The following PLCH2 variants were observed in gnomAD, a reference collection of about 807,000 sequenced individuals.
PLCH2 encodes the protein phospholipase C eta 2, also known as 1-phosphatidylinositol 4,5-bisphosphate phosphodiesterase eta-2.
PLCH2 carries 98 observed loss-of-function variants against 134.7 expected under a neutral mutation model. The ratio of observed to expected loss-of-function variants is 0.73; its 90% CI spans 0.62 to 0.86. The LOEUF (loss-of-function observed/expected upper bound fraction) is 0.86, where lower values mean the gene tolerates loss of function less well. Among genes scored for constraint, PLCH2 ranks in the 40% least tolerant of loss-of-function variants. PLCH2 has a pLI of 0.00. For synonymous variants in PLCH2, 974 were observed against 827.5 expected (o/e 1.18, Z -3.04); for missense variants, 1,994 against 1,986.6 (o/e 1.00, Z -0.07).
intron 2 of PLCH2, among the ~76,000 whole-genome samples, chr1:2,442,913 T>C (rs1639754885): frequency 6.6e-6 from 1 of 152,220 alleles, no homozygotes; most frequent in Non-Finnish European, 1.5e-5. Flanking sequence ...GCCTCCTCCT[T>C]CATGGCTGCC....
chr1:2,429,507 A>G (rs1638964534), intron 1 of PLCH2, among the ~76,000 whole-genome samples: 1 of 152,156 alleles, frequency 6.6e-6, no homozygotes, highest in Non-Finnish European at 1.5e-5. Context: ...GGTTCTGGGC[A>G]GGGAGGCTGA....
upstream of PLCH2, among the ~76,000 whole-genome samples, chr1:2,467,103 G>A (rs1641091624): frequency 6.6e-6 from 1 of 152,132 alleles, no homozygotes; most frequent in Admixed American, 6.5e-5. Context: ...GGTCCCTGTG[G>A]TGGAGGGGCA....
Position 2,480,228 on chromosome 1 carries a change from C to T in PLCH2, c.561C>T (p.Gly187=). ...TFDEADKNGD[G]SLSIGEVLQL... is the part of the protein sequence containing the mutation. ...ACGAGGCCGACAAGAACGGGGATGG[C>T]AGCCTGAGCATTGGCGAGGTCCTGC... Residue 187 remains glycine (G), a synonymous_variant, in exon 4 of 22, where the codon GGC becomes GGT. Transcript: ENST00000378486. The T allele has an allele frequency of 6.2e-7, 1 of 1,612,842 alleles. No individual in the cohort carries two copies. Among genetic ancestry groups the T allele is most frequent in the South Asian group, 1.1e-5 (1 of 91,078 alleles).
intron 19 of PLCH2, 56 bp downstream of exon 19, chr1:2,499,286 C>T: frequency 6.3e-7 from 1 of 1,588,430 alleles, no homozygotes. Context: ...CAGGGCAGGG[C>T]AGGTACTCTT....
In PLCH2 at chr1:2,486,971, A is replaced by G; in HGVS notation, c.881A>G (p.Asn294Ser). The G allele has an allele frequency of 6.2e-7, 1 of 1,606,056 alleles. No individual in the cohort carries two copies. Among genetic ancestry groups the G allele is most frequent in the Non-Finnish European group, 8.5e-7 (1 of 1,176,522 alleles). The stretch of plus-strand genomic sequence containing the variant: ...GAGCAGTTTGAGCCATGCCCAGAAA[A>G]CAAGAGTAAGGGGCTGCTGGGCATT... ...IIEQFEPCPE[N>S]KSKGLLGIDG... is the part of the protein sequence containing the mutation. The change falls in exon 6 of 22, where the codon AAC (asparagine) becomes AGC (serine). Residue 294 changes from asparagine (N) to serine (S), a missense_variant. By Grantham distance (46) the Asn-to-Ser change is conservative. Transcript: ENST00000378486.
At position 2,479,996 on chromosome 1, in the gene PLCH2, C is replaced by G. The variant is rs41315666; in HGVS notation, c.515+19C>G. 1 of 1,598,704 alleles carries G rather than the reference C, an allele frequency of 6.3e-7. No individual in the cohort carries two copies. The highest frequency in any genetic ancestry group is 8.6e-7 in the Non-Finnish European group (1 of 1,169,188). On this transcript the variant is annotated intron_variant, in intron 3 of 21. Transcript: ENST00000378486. ...GGGACCAATATCCTTGGGCACCTAT[C>G]GGGCAATGCAGACCCAGGGACCGGC...
At chr1:2,496,291 A>G (rs375252800) in intron 13 of PLCH2, among the ~76,000 whole-genome samples, 1 of 152,130 alleles carries the variant, frequency 6.6e-6, no homozygotes, top group African/African-American at 2.4e-5. Context: ...GGCCAGACCC[A>G]GGCCCCGAGC....
chr1:2,429,815 C>T (rs1340129222), intron 1 of PLCH2, among the ~76,000 whole-genome samples: 1 of 152,156 alleles, frequency 6.6e-6, no homozygotes, highest in Non-Finnish European at 1.5e-5. Context: ...CCGTGGGGGC[C>T]CCTTGTGCTG....
At chr1:2,473,730 G>A (rs936575073), upstream of PLCH2, among the ~76,000 whole-genome samples, 8 of 152,244 alleles carry the variant, frequency 5.3e-5, no homozygotes, top group African/African-American at 1.7e-4. Context: ...CCGGGGTCAG[G>A]CAGTGCTCTG....
chr1:2,479,770 G>A lies in PLCH2; in HGVS notation c.308G>A (p.Arg103Gln), dbSNP rs111408014. Reference sequence around the variant, plus strand: ...TCCATCCAGGAGGTGAGTGAGGGGCGGCAGTCGGAGGTCTTCCAGCGCTAC... The same window carrying A: ...TCCATCCAGGAGGTGAGTGAGGGGCAGCAGTCGGAGGTCTTCCAGCGCTAC... ...IDSIQEVSEG[R>Q]QSEVFQRYPD... is the part of the protein sequence containing the mutation. Residue 103 changes from arginine to glutamine, a missense_variant, in exon 3 of 22, where the codon CGG becomes CAG. Arg to Gln is a conservative substitution (Grantham distance 43, BLOSUM62 1). Transcript: ENST00000378486. The A allele has an allele frequency of 1.7e-5, 26 of 1,551,548 alleles. No individual in the cohort carries two copies. Among genetic ancestry groups the A allele is most frequent in the South Asian group, 4.7e-5 (4 of 84,732 alleles).
chr1:2,435,301 T>C (rs998073838), intron 2 of PLCH2, among the ~76,000 whole-genome samples: 1 of 152,148 alleles, frequency 6.6e-6, no homozygotes, highest in African/African-American at 2.4e-5. Context: ...TTGCTGCCTC[T>C]TGCAGGGAGG....
chr1:2,485,274 A>G (rs1014485570), intron 5 of PLCH2, among the ~76,000 whole-genome samples: 5 of 152,206 alleles, frequency 3.3e-5, no homozygotes. Context: ...GGCTCTGGCC[A>G]TCTTGTATCA....
At chr1:2,502,505 T>C in intron 21 of PLCH2, 96 bp downstream of exon 21, 1 of 1,220,450 alleles carries the variant, frequency 8.2e-7, no homozygotes, top group Non-Finnish European at 1.2e-6. Flanking sequence ...GGCCGCCACA[T>C]GCATGAAGTG....
chr1:2,485,281 A>T (rs567976879), intron 5 of PLCH2, among the ~76,000 whole-genome samples: 1 of 152,192 alleles, frequency 6.6e-6, no homozygotes, highest in Non-Finnish European at 1.5e-5. Flanking sequence ...GCCATCTTGT[A>T]TCAGGCCTGG....
intron 20 of PLCH2, 199 bp downstream of exon 20, chr1:2,499,919 T>C: frequency 1.6e-6 from 1 of 616,470 alleles, no homozygotes; most frequent in Non-Finnish European, 2.9e-6. Flanking sequence ...TGCCCACCTC[T>C]GATCTCAGGG....
At chr1:2,451,570 T>TC (rs1640227450) in intron 2 of PLCH2, among the ~76,000 whole-genome samples, 1 of 151,912 alleles carries the variant, frequency 6.6e-6, no homozygotes, top group Non-Finnish European at 1.5e-5. Context: ...CACCAACATG[T>TC]CCTATCACCG....
At chr1:2,494,572 G>A (rs1642769876) in intron 11 of PLCH2, 1 of 552,198 alleles carries the variant, frequency 1.8e-6, no homozygotes, top group Non-Finnish European at 3.3e-6. Flanking sequence ...AACAACACAT[G>A]AGAGACGCTG....
upstream of PLCH2, among the ~76,000 whole-genome samples, chr1:2,474,398 G>T (rs1641504311): frequency 6.6e-6 from 1 of 150,488 alleles, no homozygotes; most frequent in Admixed American, 6.6e-5. Context: ...GTCAGGAAGG[G>T]ATTAGCCAGG....
rs1044241926 is a variant in PLCH2, at chr1:2,505,475, T to C, written c.*262T>C. ...TTTAGGATCTGTACATAGAGAAATA[T>C]TTAAATTTTTAGAAGCAAAACTTAT... On this transcript the variant is annotated 3_prime_UTR_variant, in exon 22 of 22. Transcript: ENST00000378486. The C allele has an allele frequency of 5.8e-6, 3 of 513,030 alleles. No individual in the cohort carries two copies. The highest frequency in any genetic ancestry group is 4.0e-5 in the African/African-American group (2 of 49,466). The allele number at this position is 513,030 out of a possible 1,614,324, so 31.8% of individuals were successfully genotyped here.
Sources: allele counts gnomAD v4.1 joint callset (sites outside exome capture counted in the v4.1 genomes callset), GRCh38; gene constraint gnomAD v4.1.1; transcripts MANE v1.5; gene names NCBI Gene and HGNC (gene_info 2026-07-23, HGNC 2026-07-21).